IL1RAPL2: variants seen among roughly 807,000 people sequenced by gnomAD.
IL1RAPL2 encodes X-linked interleukin-1 receptor accessory protein-like 2.
A neutral mutation model predicts 44.1 loss-of-function variants in IL1RAPL2; 3 were observed. That is an observed-to-expected ratio of 0.07 (90% CI 0.03 to 0.18). The LOEUF is 0.18. Ranked by LOEUF, IL1RAPL2 falls within the 10% of genes least tolerant of loss-of-function variation. IL1RAPL2 has a pLI of 1.00. For missense variants in IL1RAPL2, 391 were observed against 496.4 expected, an observed-to-expected ratio of 0.79 and a Z score of 2.02; for synonymous variants, 181 against 178.8, an observed-to-expected ratio of 1.01 and a Z score of -0.10.
At chrX:105,175,663 T>C (rs1198423836) in intron 2 of IL1RAPL2, among the ~76,000 whole-genome samples, 1 of 110,286 alleles carries the variant, frequency 9.1e-6, no homozygotes, top group Non-Finnish European at 1.9e-5. Flanking sequence ...GAATGGCAGT[T>C]ACTATGGTTT....
intron 1 of IL1RAPL2, among the ~76,000 whole-genome samples, chrX:104,621,814 T>C (rs1210642947): frequency 1.8e-5 from 2 of 112,002 alleles, no homozygotes; most frequent in African/African-American, 6.5e-5. Context: ...CAAGATGGAC[T>C]ATGAACAGTA....
At chrX:105,567,330 G>A (rs1460127326) in intron 6 of IL1RAPL2, among the ~76,000 whole-genome samples, 1 of 111,375 alleles carries the variant, frequency 9.0e-6, no homozygotes, top group Non-Finnish European at 1.9e-5. Context: ...TTAGATTTGA[G>A]GCCCATGGAC....
At chrX:105,691,311 G>A (rs897913815) in intron 6 of IL1RAPL2, among the ~76,000 whole-genome samples, 1 of 111,353 alleles carries the variant, frequency 9.0e-6, no homozygotes. Context: ...AAATCAATCA[G>A]ATGGTCTCTT....
At chrX:104,741,417 A>AT (rs891349530) in intron 2 of IL1RAPL2, among the ~76,000 whole-genome samples, 2 of 110,869 alleles carry the variant, frequency 1.8e-5, no homozygotes, top group Admixed American at 9.6e-5. Context: ...TGTAAAACAC[A>AT]TTTTTTGCCC....
At chrX:105,594,677 A>C (rs1035687102) in intron 6 of IL1RAPL2, among the ~76,000 whole-genome samples, 14 of 112,202 alleles carry the variant, frequency 1.2e-4, no homozygotes, top group Middle Eastern at 4.2e-3. Context: ...GAATCAGGGT[A>C]GGTGTCCATT....
At chrX:105,681,336 A>G (rs909662822) in intron 6 of IL1RAPL2, among the ~76,000 whole-genome samples, 10 of 111,968 alleles carry the variant, frequency 8.9e-5, no homozygotes, top group African/African-American at 3.3e-4. Flanking sequence ...AGTTCGAAGT[A>G]TTCAGTATGC....
chrX:105,753,353 CAG>C (rs930108792), intron 9 of IL1RAPL2, among the ~76,000 whole-genome samples: 31 of 111,645 alleles, frequency 2.8e-4, no homozygotes, highest in African/African-American at 9.4e-4. Flanking sequence ...GAGAGAGTAA[CAG>C]GGTCTGGTCT....
chrX:105,630,500 C>CTTTT (rs369815453), intron 6 of IL1RAPL2, among the ~76,000 whole-genome samples: 3 of 92,754 alleles, frequency 3.2e-5, no homozygotes, highest in Non-Finnish European at 4.3e-5. Flanking sequence ...AAATTCAGAG[C>CTTTT]TTTTTTTTTT....
chrX:104,916,049 T>C (rs1225480583), intron 2 of IL1RAPL2, among the ~76,000 whole-genome samples: 1 of 111,747 alleles, frequency 8.9e-6, no homozygotes, highest in Non-Finnish European at 1.9e-5. Context: ...CTTGGCCATG[T>C]GGGCTCTTTT....
chrX:105,557,297 G>T (rs778812614), intron 6 of IL1RAPL2, among the ~76,000 whole-genome samples: 10 of 111,452 alleles, frequency 9.0e-5, no homozygotes, highest in African/African-American at 3.3e-4. Context: ...ATGAAATAAA[G>T]AGAGACACAG....
chrX:104,968,957 G>A (rs1439535579), intron 2 of IL1RAPL2, among the ~76,000 whole-genome samples: 1 of 101,598 alleles, frequency 9.8e-6, no homozygotes, highest in African/African-American at 3.7e-5. Context: ...AATCCCAACA[G>A]GGTTTTGTTT....
intron 3 of IL1RAPL2, among the ~76,000 whole-genome samples, chrX:105,225,730 A>G (rs1272994506): frequency 9.3e-6 from 1 of 107,992 alleles, no homozygotes; most frequent in African/African-American, 3.4e-5. Context: ...TCTGTCACCC[A>G]GGCTGGAGTA....
intron 5 of IL1RAPL2, among the ~76,000 whole-genome samples, chrX:105,300,924 TAGTAG>T (rs1343775162): frequency 1.8e-5 from 2 of 111,554 alleles, no homozygotes; most frequent in East Asian, 5.7e-4. Flanking sequence ...AGGAAAACAG[TAGTAG>T]CAATTTAATT....
rs1225759643 is a variant in IL1RAPL2 at position 105,665,160 on chromosome X, G to A, written c.773-52207G>A. Among the ~76,000 whole-genome samples the A allele has an allele frequency of 7.2e-5, 8 of 111,360 alleles. No homozygotes were observed. The East Asian group carries it at 1.4e-3, about 20-fold the overall frequency. ...AAATTATATGTGGATTTCTACCTGC[G>A]TGTGGGCGGGGGATTAGCGGCCCTA... On this transcript the variant is annotated intron_variant, in intron 6 of 10. Transcript: ENST00000372582.
intron 2 of IL1RAPL2, among the ~76,000 whole-genome samples, chrX:104,914,575 T>A (rs1924353954): frequency 9.0e-6 from 1 of 111,632 alleles, no homozygotes; most frequent in Non-Finnish European, 1.9e-5. Flanking sequence ...CTTTTTTTAT[T>A]ATTATTATAT....
At chrX:104,579,076 A>T (rs1928294848) in intron 1 of IL1RAPL2, among the ~76,000 whole-genome samples, 1 of 111,867 alleles carries the variant, frequency 8.9e-6, no homozygotes, top group Admixed American at 9.5e-5. Context: ...GAAATAGCTT[A>T]AAAAGTTGAA....
chrX:105,723,549 C>A (rs1467565826), intron 7 of IL1RAPL2, among the ~76,000 whole-genome samples: 1 of 111,293 alleles, frequency 9.0e-6, no homozygotes, highest in Non-Finnish European at 1.9e-5. Context: ...TTAACCAGAG[C>A]ACCCCACTGT....
At position 105,434,488 on chromosome X, in the gene IL1RAPL2, T is replaced by G. The variant is rs192187060; in HGVS notation, c.698-49825T>G. 3.7e-4 allele frequency among the ~76,000 whole-genome samples: 42 copies of G among 112,388 alleles called. No homozygotes were observed. In the East Asian group the frequency reaches 0.012, roughly 31 times the overall value. ...CAACATGTGAATGAATTTAAAAAAT[T>G]GTGGTGCATCCACACAATGAAGTGC... On this transcript the variant is annotated intron_variant, in intron 5 of 10. Transcript: ENST00000372582.
chrX:105,345,988 T>C (rs2025092745), intron 5 of IL1RAPL2, among the ~76,000 whole-genome samples: 1 of 111,723 alleles, frequency 9.0e-6, no homozygotes, highest in South Asian at 3.7e-4. Flanking sequence ...GAGAGGAAGA[T>C]ATTATTTGGA....
Sources: allele counts gnomAD v4.1 joint callset (sites outside exome capture counted in the v4.1 genomes callset), GRCh38; gene constraint gnomAD v4.1.1; transcripts MANE v1.5; gene names NCBI Gene and HGNC (gene_info 2026-07-23, HGNC 2026-07-21).